CD36: variants seen among roughly 807,000 people sequenced by gnomAD.
CD36 encodes the protein platelet glycoprotein 4.
CD36 carries 119 observed loss-of-function variants against 55.2 expected under a neutral mutation model. That is an observed-to-expected ratio of 2.15 (90% CI 1.86 to 2.51). The LOEUF (loss-of-function observed/expected upper bound fraction) is 2.51, where lower values mean the gene tolerates loss of function less well. Ranked by LOEUF, CD36 falls within the 30% of genes most tolerant of loss-of-function variation. CD36 has a pLI of 0.00. For missense variants in CD36, 819 were observed against 555.5 expected, an observed-to-expected ratio of 1.47 and a Z score of -4.77; for synonymous variants, 186 against 193.6, an observed-to-expected ratio of 0.96 and a Z score of 0.33.
intron 8 of CD36, among the ~76,000 whole-genome samples, chr7:80,667,119 A>AATTAAG (rs1219902660): frequency 6.6e-6 from 1 of 152,154 alleles, no homozygotes; most frequent in Non-Finnish European, 1.5e-5. Flanking sequence ...TTAGTTTAAG[A>AATTAAG]ATTAAGATTT....
chr7:80,644,373 G>T (rs1795009628), intron 1 of CD36, among the ~76,000 whole-genome samples: 1 of 152,094 alleles, frequency 6.6e-6, no homozygotes, highest in African/African-American at 2.4e-5. Context: ...TGACACTAAA[G>T]AACTAGTCAG....
chr7:80,646,025 T>C (rs1302757784), intron 1 of CD36, 63 bp from the exon 2 acceptor site: 1 of 142,922 alleles, frequency 7.0e-6, no homozygotes, highest in East Asian at 2.1e-4. Context: ...TATTAGAGAG[T>C]GTCCCAGTAT....
intron 7 of CD36, among the ~76,000 whole-genome samples, chr7:80,664,852 T>TTA (rs1554343528): frequency 1.4e-5 from 2 of 144,170 alleles, no homozygotes; most frequent in Admixed American, 6.9e-5. Context: ...AATGAAAAGG[T>TTA]AAAAAAAAAA....
chr7:80,665,485 A>C (rs1365821553), intron 7 of CD36, among the ~76,000 whole-genome samples: 1 of 118,748 alleles, frequency 8.4e-6, no homozygotes, highest in Admixed American at 8.5e-5. Flanking sequence ...TCTTCTAAAG[A>C]GTCCACAGTT....
At chr7:80,628,940 A>G (rs981219545) in intron 1 of CD36, among the ~76,000 whole-genome samples, 4 of 152,058 alleles carry the variant, frequency 2.6e-5, no homozygotes, top group Non-Finnish European at 4.4e-5. Flanking sequence ...AGCTTCTCCA[A>G]AGAAGGCAAT....
chr7:80,622,441 G>A (rs760835004), intron 1 of CD36, among the ~76,000 whole-genome samples: 3 of 152,136 alleles, frequency 2.0e-5, no homozygotes, highest in Non-Finnish European at 4.4e-5. Context: ...AAAAATCAAA[G>A]CAATACTGTC....
At chr7:80,640,959 G>A (rs1794771494) in intron 1 of CD36, among the ~76,000 whole-genome samples, 1 of 151,972 alleles carries the variant, frequency 6.6e-6, no homozygotes, top group South Asian at 2.1e-4. Context: ...GGATAGAAAT[G>A]GACATGAGAT....
At chr7:80,649,029 A>G (rs1795395746) in intron 3 of CD36, among the ~76,000 whole-genome samples, 1 of 152,146 alleles carries the variant, frequency 6.6e-6, no homozygotes, top group Non-Finnish European at 1.5e-5. Context: ...TTGATGATAC[A>G]ATACACAATA....
At chr7:80,647,899 G>T (rs1369323073) in intron 3 of CD36, among the ~76,000 whole-genome samples, 1 of 152,066 alleles carries the variant, frequency 6.6e-6, no homozygotes, top group Non-Finnish European at 1.5e-5. Context: ...TAAGCATAGT[G>T]CACGATGGAG....
intron 1 of CD36, among the ~76,000 whole-genome samples, chr7:80,616,097 G>T (rs1195005833): frequency 6.6e-6 from 1 of 151,972 alleles, no homozygotes; most frequent in Admixed American, 6.6e-5. Flanking sequence ...GATATTCCTT[G>T]ACTTTTTGTT....
chr7:80,657,641 T>C (rs2116597746), intron 4 of CD36, among the ~76,000 whole-genome samples: 1 of 152,250 alleles, frequency 6.6e-6, no homozygotes. Flanking sequence ...TCCATTTCAA[T>C]TATAGACACT....
chr7:80,673,400 G>T lies in CD36; in HGVS notation c.1245G>T (p.Trp415Cys), dbSNP rs1385635045. Residue 415 changes from tryptophan to cysteine, a missense_variant, in exon 13 of 15, where the codon TGG (tryptophan) becomes TGT (cysteine). Coordinates refer to ENST00000447544, the MANE Select transcript of CD36 (RefSeq NM_001001548.3). ...GGAACTATATTGTGCCTATTCTTTG[G>T]CTTAATGAGGTTTGTATTTGCAGCT... ...LKRNYIVPILWLNETGTIGDE... is the reference protein window; with the variant it reads ...LKRNYIVPILCLNETGTIGDE... 1.9e-6 allele frequency: 3 copies of T among 1,566,096 alleles called. No homozygotes were observed. The South Asian group carries it at 3.3e-5, about 17-fold the overall frequency.
At chr7:80,641,033 C>T (rs1794776154) in intron 1 of CD36, among the ~76,000 whole-genome samples, 2 of 151,902 alleles carry the variant, frequency 1.3e-5, no homozygotes, top group Admixed American at 1.3e-4. Flanking sequence ...ACTTGTGGAG[C>T]CCATGGGTTC....
intron 14 of CD36, chr7:80,674,384 A>T (rs998745095): frequency 4.6e-5 from 21 of 454,406 alleles, no homozygotes; most frequent in African/African-American, 4.1e-4. Flanking sequence ...TTGTAACAAT[A>T]GCACAAATAA....
In CD36 at chr7:80,673,385, T is replaced by C; in HGVS notation, c.1230T>C (p.Ile410=). 1 of 1,568,498 alleles carries C rather than the reference T, an allele frequency of 6.4e-7. No homozygotes were observed. Among genetic ancestry groups the C allele is most frequent in the Non-Finnish European group, 8.8e-7 (1 of 1,139,742 alleles). ...QVLKNLKRNY[I]VPILWLNETG... ...TAAAGAATCTGAAGAGGAACTATAT[T>C]GTGCCTATTCTTTGGCTTAATGAGG... is the stretch of plus-strand genomic sequence containing the variant. Residue 410 remains isoleucine, a synonymous_variant, in exon 13 of 15, where the codon ATT becomes ATC. Coordinates refer to ENST00000447544, the MANE Select transcript of CD36 (RefSeq NM_001001548.3).
Position 80,673,991 on chromosome 7 carries a change from C to T in CD36, c.1263C>T (p.Thr421=). ...VPILWLNETG[T]IGDEKANMFR... ...TATTAACTTGATTACAGACTGGGAC[C>T]ATTGGTGATGAGAAGGCAAACATGT... Residue 421 remains threonine, a synonymous_variant, in exon 14 of 15, where the codon ACC becomes ACT. Transcript: ENST00000447544. 6.2e-7 allele frequency: 1 copy of T among 1,611,146 alleles called. No individual in the cohort carries two copies. The highest frequency in any genetic ancestry group is 8.5e-7 in the Non-Finnish European group (1 of 1,177,922).
At chr7:80,658,458 T>G (rs1394550461) in intron 4 of CD36, among the ~76,000 whole-genome samples, 1 of 152,010 alleles carries the variant, frequency 6.6e-6, no homozygotes, top group South Asian at 2.1e-4. Flanking sequence ...TTTTTTTGTT[T>G]GTTTGGGGGA....
chr7:80,665,620 A>G (rs1389343768), intron 7 of CD36, among the ~76,000 whole-genome samples: 2 of 152,086 alleles, frequency 1.3e-5, no homozygotes, highest in Non-Finnish European at 1.5e-5. Flanking sequence ...TTACAGAGAG[A>G]TGTGGAGGGG....
intron 4 of CD36, among the ~76,000 whole-genome samples, chr7:80,657,572 TG>T (rs1373081417): frequency 6.6e-6 from 1 of 152,168 alleles, no homozygotes; most frequent in Non-Finnish European, 1.5e-5. Context: ...TGAGGTCACT[TG>T]TCCATGTTCA....
Sources: gnomAD v4.1 joint callset for allele counts (sites outside exome capture counted in the v4.1 genomes callset) on GRCh38, gnomAD v4.1.1 for gene constraint, MANE v1.5 for transcripts, NCBI Gene and HGNC (gene_info 2026-07-23, HGNC 2026-07-21) for gene names.